Variants in EPHB1 observed in about 807,000 individuals in gnomAD.
The protein encoded by EPHB1 is EPH receptor B1, also known as ephrin type-B receptor 1.
A neutral mutation model predicts 94.4 loss-of-function variants in EPHB1; 30 were observed. The observed-to-expected ratio is 0.32, with a 90% CI of 0.24 to 0.43. EPHB1 has a LOEUF of 0.43. Ranked by LOEUF, EPHB1 falls within the 20% of genes least tolerant of loss-of-function variation. EPHB1 has a pLI of 1.00. For synonymous variants in EPHB1, 522 were observed against 489.1 expected (o/e 1.07, Z -0.89); for missense variants, 1,055 against 1,308.3 (o/e 0.81, Z 2.99).
chr3:135,129,175 A>G (rs1192623748), intron 4 of EPHB1, among the ~76,000 whole-genome samples: 4 of 149,568 alleles, frequency 2.7e-5, no homozygotes, highest in Admixed American at 1.3e-4. Context: ...TTAAAACAAC[A>G]TGGAAAAAAA....
intron 3 of EPHB1, among the ~76,000 whole-genome samples, chr3:135,014,281 C>T (rs1014632157): frequency 1.3e-5 from 2 of 152,170 alleles, no homozygotes; most frequent in African/African-American, 4.8e-5. Flanking sequence ...AAGCGCCATC[C>T]AGAATGTCCA....
intron 1 of EPHB1, among the ~76,000 whole-genome samples, chr3:134,816,595 A>G (rs576088365): frequency 6.6e-6 from 1 of 152,068 alleles, no homozygotes; most frequent in East Asian, 1.9e-4. Context: ...AGTTATTAGT[A>G]TTGTCATTTC....
intron 3 of EPHB1, among the ~76,000 whole-genome samples, chr3:134,962,762 G>A (rs992107896): frequency 3.6e-4 from 55 of 151,634 alleles, no homozygotes; most frequent in Middle Eastern, 3.4e-3. Context: ...CCATAGCCCC[G>A]CCTTCCTAGA....
At chr3:135,037,012 A>G (rs1460905188) in intron 3 of EPHB1, among the ~76,000 whole-genome samples, 2 of 152,088 alleles carry the variant, frequency 1.3e-5, no homozygotes, top group Non-Finnish European at 2.9e-5. Flanking sequence ...TACCGAGAAG[A>G]TAGATGGATT....
chr3:135,214,601 C>T (rs1402131805), intron 12 of EPHB1, among the ~76,000 whole-genome samples: 1 of 152,162 alleles, frequency 6.6e-6, no homozygotes, highest in East Asian at 1.9e-4. Flanking sequence ...ATGGTGTAGG[C>T]AGCACCCTCA....
chr3:135,080,784 G>A (rs1310308333), intron 3 of EPHB1, among the ~76,000 whole-genome samples: 4 of 152,116 alleles, frequency 2.6e-5, no homozygotes, highest in Non-Finnish European at 5.9e-5. Context: ...TATAATAATA[G>A]CACCTACCTC....
chr3:135,178,874 GAC>G (rs1942068106), intron 9 of EPHB1, among the ~76,000 whole-genome samples: 3 of 152,156 alleles, frequency 2.0e-5, no homozygotes, highest in Non-Finnish European at 1.5e-5. Context: ...TGTGATATCA[GAC>G]CTTGTCATTT....
At chr3:135,117,173 G>A (rs934941872) in intron 4 of EPHB1, among the ~76,000 whole-genome samples, 2 of 152,234 alleles carry the variant, frequency 1.3e-5, no homozygotes, top group Admixed American at 6.5e-5. Context: ...TGCCAAGAGG[G>A]TTTCTGAATA....
intron 2 of EPHB1, among the ~76,000 whole-genome samples, chr3:134,934,954 C>T (rs1354285080): frequency 2.0e-5 from 3 of 152,188 alleles, no homozygotes; most frequent in African/African-American, 7.2e-5. Context: ...CTTGTTGGCC[C>T]AGACAGGTGT....
intron 3 of EPHB1, among the ~76,000 whole-genome samples, chr3:134,982,858 C>G (rs905065100): frequency 5.3e-5 from 8 of 152,034 alleles, no homozygotes; most frequent in African/African-American, 1.7e-4. Flanking sequence ...TGGCTAGCCT[C>G]TGGCCTGTGC....
chr3:135,048,994 T>C (rs1487022919), intron 3 of EPHB1, among the ~76,000 whole-genome samples: 2 of 152,218 alleles, frequency 1.3e-5, no homozygotes, highest in African/African-American at 4.8e-5. Flanking sequence ...AGAAGTGGGC[T>C]ATCTATTACC....
intron 12 of EPHB1, among the ~76,000 whole-genome samples, chr3:135,239,308 G>T (rs368993787): frequency 1.3e-5 from 2 of 151,696 alleles, no homozygotes; most frequent in African/African-American, 4.8e-5. Context: ...TGCCTAGCTC[G>T]GGTTAACCAT....
chr3:134,796,399 T>G (rs1287030469), intron 1 of EPHB1: 2 of 152,086 alleles, frequency 1.3e-5, no homozygotes, highest in Non-Finnish European at 1.5e-5. Context: ...CTGGGGTGAG[T>G]GGTCGGTCCT....
intron 12 of EPHB1, among the ~76,000 whole-genome samples, chr3:135,211,585 T>C (rs755907695): frequency 6.6e-6 from 1 of 152,194 alleles, no homozygotes; most frequent in Non-Finnish European, 1.5e-5. Context: ...ATAGTTTGGG[T>C]TTTCTTTCAT....
intron 3 of EPHB1, among the ~76,000 whole-genome samples, chr3:135,091,181 A>G (rs1229132191): frequency 3.3e-5 from 5 of 152,194 alleles, no homozygotes; most frequent in South Asian, 2.1e-4. Context: ...AGTGGGACCA[A>G]CTACAAAGCT....
intron 6 of EPHB1, 114 bp from the exon 7 acceptor site, chr3:135,161,904 C>G: frequency 1.7e-6 from 2 of 1,185,364 alleles, no homozygotes; most frequent in Non-Finnish European, 2.3e-6. Context: ...ATGACAACTG[C>G]TAGCAGATAT....
At chr3:135,061,823 C>A (rs1415630835) in intron 3 of EPHB1, among the ~76,000 whole-genome samples, 1 of 152,114 alleles carries the variant, frequency 6.6e-6, no homozygotes. Context: ...GTTCAATTCC[C>A]ACCTATGAGT....
chr3:134,954,319 G>T (rs13076995), intron 3 of EPHB1, among the ~76,000 whole-genome samples: 90 of 152,276 alleles, frequency 5.9e-4, no homozygotes, highest in Non-Finnish European at 1.1e-3. Flanking sequence ...TGCACTCTTT[G>T]GTGGGGGGTG....
At chr3:134,901,074 T>A (rs1409916238) in intron 1 of EPHB1, among the ~76,000 whole-genome samples, 8 of 152,210 alleles carry the variant, frequency 5.3e-5, no homozygotes, top group South Asian at 2.1e-4. Context: ...AAAAACTTTT[T>A]AAATCTTATT....
Sources: allele counts gnomAD v4.1 joint callset (sites outside exome capture counted in the v4.1 genomes callset), GRCh38; gene constraint gnomAD v4.1.1; transcripts MANE v1.5; gene names NCBI Gene and HGNC (gene_info 2026-07-23, HGNC 2026-07-21).